The following LINGO2 variants were observed in gnomAD, a reference collection of about 807,000 sequenced individuals.
LINGO2 encodes leucine-rich repeat and immunoglobulin-like domain-containing nogo receptor-interacting protein 2.
LINGO2 carries 14 observed loss-of-function variants against 30.6 expected under a neutral mutation model. The observed-to-expected ratio is 0.46, with a 90% CI of 0.30 to 0.72. The LOEUF is 0.72. Among genes scored for constraint, LINGO2 ranks in the 30% least tolerant of loss-of-function variants. The pLI, the probability that LINGO2 is intolerant of heterozygous loss-of-function variation, is 0.07. For missense variants in LINGO2, 729 were observed against 751.7 expected (o/e 0.97, Z 0.35); for synonymous variants, 317 against 288.5 (o/e 1.10, Z -1.00).
chr9:28,091,938 T>C (rs2133268634), intron 4 of LINGO2, among the ~76,000 whole-genome samples: 1 of 152,150 alleles, frequency 6.6e-6, no homozygotes, highest in East Asian at 1.9e-4. Context: ...AAAAGACACA[T>C]GAAAAAATGC....
At chr9:28,944,586 A>G in the LINGO2 span, among the ~76,000 whole-genome samples, 2 of 151,984 alleles carry the variant, frequency 1.3e-5, no homozygotes, top group East Asian at 3.9e-4. Context: ...TTGTATTTTT[A>G]GTAGAGACAG....
chr9:28,257,146 A>T lies in LINGO2; in HGVS notation c.-87+38062T>A, dbSNP rs372198579. Among the ~76,000 whole-genome samples the T allele has an allele frequency of 2.2e-4, 33 of 151,404 alleles. 2 individuals are homozygous for T. In the South Asian group the frequency reaches 6.9e-3, roughly 31 times the overall value. ...AATTATTATTTTTATGGAAATATTT[A>T]TGTTATTATCTTTGAACAGTTTATT... On this transcript the variant is annotated intron_variant, in intron 4 of 5. Coordinates refer to ENST00000379992, the Ensembl canonical transcript of LINGO2.
At chr9:28,900,152 C>T in the LINGO2 span, among the ~76,000 whole-genome samples, 2 of 152,166 alleles carry the variant, frequency 1.3e-5, no homozygotes, top group Admixed American at 1.3e-4. Flanking sequence ...TACCATGTAC[C>T]AGATCAGTCT....
At chr9:28,096,032 C>A (rs1176746419) in intron 4 of LINGO2, among the ~76,000 whole-genome samples, 1 of 151,956 alleles carries the variant, frequency 6.6e-6, no homozygotes, top group East Asian at 1.9e-4. Context: ...TCCCAGCTAC[C>A]CAGGATGCTG....
intron 4 of LINGO2, among the ~76,000 whole-genome samples, chr9:28,044,070 C>T (rs1824310084): frequency 6.6e-6 from 1 of 152,146 alleles, no homozygotes; most frequent in African/African-American, 2.4e-5. Flanking sequence ...GTCTTTAAAA[C>T]TTCAGGCAAG....
At chr9:28,684,652 G>A in the LINGO2 span, among the ~76,000 whole-genome samples, 1 of 151,652 alleles carries the variant, frequency 6.6e-6, no homozygotes, top group African/African-American at 2.4e-5. Flanking sequence ...CCAAGTAGCT[G>A]GGACCACAAG....
chr9:29,089,475 C>A, the LINGO2 span, among the ~76,000 whole-genome samples: 3 of 152,072 alleles, frequency 2.0e-5, no homozygotes, highest in South Asian at 4.2e-4. Flanking sequence ...AAAGGCAGAA[C>A]AAGGAAACGA....
the LINGO2 span, among the ~76,000 whole-genome samples, chr9:28,709,008 C>A: frequency 2.0e-5 from 3 of 152,092 alleles, no homozygotes; most frequent in African/African-American, 4.8e-5. Context: ...CACATTTTAA[C>A]CATTTTTCCT....
At chr9:29,002,529 A>C in the LINGO2 span, among the ~76,000 whole-genome samples, 1 of 152,126 alleles carries the variant, frequency 6.6e-6, no homozygotes, top group South Asian at 2.1e-4. Context: ...GCACCACTGC[A>C]TAAAGTAGCC....
At chr9:28,343,612 C>T (rs950269980) in intron 3 of LINGO2, among the ~76,000 whole-genome samples, 14 of 152,106 alleles carry the variant, frequency 9.2e-5, no homozygotes, top group African/African-American at 2.9e-4. Context: ...TACAATGACT[C>T]AATTAACATA....
At chr9:28,881,470 T>C in the LINGO2 span, among the ~76,000 whole-genome samples, 1 of 152,140 alleles carries the variant, frequency 6.6e-6, no homozygotes, top group Non-Finnish European at 1.5e-5. Flanking sequence ...AAGAAACAAA[T>C]ACTTTCCTAA....
chr9:28,332,850 C>T (rs577549900), intron 3 of LINGO2, among the ~76,000 whole-genome samples: 1 of 152,112 alleles, frequency 6.6e-6, no homozygotes, highest in Non-Finnish European at 1.5e-5. Flanking sequence ...GGTTAAAGCA[C>T]ATATCAGCGT....
At chr9:28,267,596 A>G (rs1383135526) in intron 4 of LINGO2, among the ~76,000 whole-genome samples, 1 of 151,942 alleles carries the variant, frequency 6.6e-6, no homozygotes, top group South Asian at 2.1e-4. Context: ...GCTGCTACCA[A>G]TCTGTAGCCT....
the LINGO2 span, among the ~76,000 whole-genome samples, chr9:28,744,414 C>A: frequency 6.6e-6 from 1 of 151,942 alleles, no homozygotes; most frequent in South Asian, 2.1e-4. Context: ...CCTTTCACAG[C>A]TCATAAGTTT....
At chr9:28,704,759 C>G in the LINGO2 span, among the ~76,000 whole-genome samples, 1 of 151,960 alleles carries the variant, frequency 6.6e-6, no homozygotes, top group Non-Finnish European at 1.5e-5. Flanking sequence ...TTGATTCTTT[C>G]TTAGAATTTC....
the LINGO2 span, among the ~76,000 whole-genome samples, chr9:28,771,611 T>C: frequency 6.6e-6 from 1 of 151,962 alleles, no homozygotes; most frequent in Non-Finnish European, 1.5e-5. Flanking sequence ...AACAAGAGAA[T>C]TTAGTTAATC....
the LINGO2 span, among the ~76,000 whole-genome samples, chr9:28,901,787 G>A: frequency 2.6e-5 from 4 of 151,508 alleles, no homozygotes; most frequent in East Asian, 7.8e-4. Flanking sequence ...GAGGTAGAAA[G>A]GAACAAATAA....
intron 4 of LINGO2, among the ~76,000 whole-genome samples, chr9:28,274,407 T>G (rs1427684864): frequency 6.6e-6 from 1 of 152,212 alleles, no homozygotes; most frequent in African/African-American, 2.4e-5. Context: ...CAAGATATAT[T>G]TGATAGCATA....
the LINGO2 span, among the ~76,000 whole-genome samples, chr9:28,685,833 C>G: frequency 6.6e-6 from 1 of 151,978 alleles, no homozygotes; most frequent in South Asian, 2.1e-4. Context: ...ATACGTATTT[C>G]CTCACCATCC....
Sources: allele counts gnomAD v4.1 joint callset (sites outside exome capture counted in the v4.1 genomes callset), GRCh38; gene constraint gnomAD v4.1.1; transcripts MANE v1.5; gene names NCBI Gene and HGNC (gene_info 2026-07-23, HGNC 2026-07-21).